MGAM2: variants seen among roughly 807,000 people sequenced by gnomAD.
The protein encoded by MGAM2 is probable maltase-glucoamylase 2.
MGAM2 carries 98 observed loss-of-function variants against 96.1 expected under a neutral mutation model. The observed-to-expected ratio is 1.02, with a 90% confidence interval of 0.87 to 1.21. The LOEUF (loss-of-function observed/expected upper bound fraction) is 1.21. MGAM2 is among the 50% of genes most tolerant of loss of function. The probability of loss-of-function intolerance (pLI) is 0.00; values close to 1 mark genes in which losing one functional copy is unlikely to be tolerated. For synonymous variants in MGAM2, 749 were observed against 414.8 expected (o/e 1.81, Z -9.79); for missense variants, 2,055 against 1,182.4 (o/e 1.74, Z -10.82).
chr7:142,218,587 T>G (rs1322312159), intron 47 of MGAM2, 56 bp downstream of exon 47: 1 of 545,288 alleles, frequency 1.8e-6, no homozygotes. Context: ...TTCTGCAAAA[T>G]TATCACCAAT....
In MGAM2 at chr7:142,221,114, GACC is replaced by G. The variant is rs1422100389; in HGVS notation, c.6606_6608del (p.Thr2203del). The G allele has an allele frequency of 1.4e-6, 1 of 702,172 alleles. No individual in the cohort carries two copies. Among genetic ancestry groups the G allele is most frequent in the Non-Finnish European group, 2.6e-6 (1 of 384,714 alleles). 43.5% of individuals were successfully genotyped at this position (702,172 alleles called of 1,614,324 possible). ...CTACTAGCAACAGTTTTTCCATTAT[GACC>G]ACTTCTTTCTCTGAAAGTACTAATG... On this transcript the variant is annotated inframe_deletion, in exon 48 of 48. Coordinates refer to ENST00000477922, the MANE Select transcript of MGAM2 (RefSeq NM_001293626.2).
chr7:142,219,901 T>A lies in MGAM2; in HGVS notation c.5390T>A (p.Ile1797Asn), dbSNP rs748195050. ...ACTATTCAATTGACTGACAAGACTATCAACCTGGAAAAGTTAACTGAGGTT... is the reference window on the plus strand; with the variant it reads ...ACTATTCAATTGACTGACAAGACTAACAACCTGGAAAAGTTAACTGAGGTT... Reference protein sequence around the residue: ...ILTIQLTDKTINLEKLTEVTW... With the variant: ...ILTIQLTDKTNNLEKLTEVTW... The change falls in exon 48 of 48, where the codon ATC becomes AAC. Residue 1797 changes from isoleucine to asparagine, a missense_variant. Physicochemically the swap from Ile to Asn is moderately radical, Grantham distance 149. Coordinates refer to ENST00000477922, the MANE Select transcript of MGAM2 (RefSeq NM_001293626.2). 1.0e-5 allele frequency: 7 copies of A among 702,094 alleles called. 1 individual carries two copies. The highest frequency in any genetic ancestry group is 2.3e-4 in the Middle Eastern group (1 of 4,382). 43.5% of individuals were successfully genotyped at this position (702,094 alleles called of 1,614,324 possible). A position where few individuals can be genotyped will look rare whatever the true frequency, so the allele number is the denominator to read the frequency against.
chr7:142,118,347 G>C (rs1275691765), intron 2 of MGAM2, among the ~76,000 whole-genome samples: 2 of 152,070 alleles, frequency 1.3e-5, no homozygotes, highest in Non-Finnish European at 2.9e-5. Flanking sequence ...CAGGAATCCA[G>C]TTTTAAGACA....
intron 10 of MGAM2, among the ~76,000 whole-genome samples, 192 bp downstream of exon 10, chr7:142,138,859 G>C (rs1469853261): frequency 6.6e-6 from 1 of 152,190 alleles, no homozygotes; most frequent in Non-Finnish European, 1.5e-5. Flanking sequence ...GCCTGATAGA[G>C]GTGGCTTTGA....
At chr7:142,147,316 AG>A (rs1795416815) in intron 14 of MGAM2, 139 bp from the exon 15 acceptor site, 2 of 555,112 alleles carry the variant, frequency 3.6e-6, no homozygotes, top group Non-Finnish European at 6.4e-6. Context: ...CATTTAGGAT[AG>A]AATTTAAAAT....
intron 38 of MGAM2, 24 bp from the exon 39 acceptor site, chr7:142,196,541 C>T (rs918046672): frequency 5.6e-6 from 4 of 714,006 alleles, no homozygotes; most frequent in Admixed American, 3.9e-5. Context: ...CTTCCTCCAA[C>T]ACAGCTGTGT....
intron 40 of MGAM2, 36 bp downstream of exon 40, chr7:142,196,852 C>A: frequency 1.3e-6 from 1 of 748,932 alleles, no homozygotes; most frequent in Non-Finnish European, 2.5e-6. Flanking sequence ...TGTTGTGTAC[C>A]CTCAAATCAT....
Position 142,199,870 on chromosome 7 carries a change from T to TG in MGAM2, c.5049-10_5049-9insG. 1 of 679,168 alleles carries TG rather than the reference T, an allele frequency of 1.5e-6. No homozygotes were observed. The highest frequency in any genetic ancestry group is 1.6e-5 in the South Asian group (1 of 62,110). The allele number at this position is 679,168 out of a possible 1,614,324, so 42.1% of individuals were successfully genotyped here. On this transcript the variant is annotated splice_polypyrimidine_tract_variant and intron_variant, in intron 44 of 47. Coordinates refer to ENST00000477922, the MANE Select transcript of MGAM2 (RefSeq NM_001293626.2). The stretch of plus-strand genomic sequence containing the variant: ...TAGAGAAAAATAACTCTTTTTTTTT[T>TG]TTTTGGTAGTCGACAAAATTTTATG...
intron 32 of MGAM2, among the ~76,000 whole-genome samples, chr7:142,178,189 G>C (rs1301947622): frequency 6.6e-6 from 1 of 152,120 alleles, no homozygotes; most frequent in Non-Finnish European, 1.5e-5. Context: ...CATGTCCTCT[G>C]CCTACTTTTT....
At chr7:142,169,552 T>C (rs1393710642) in intron 26 of MGAM2, among the ~76,000 whole-genome samples, 1 of 152,198 alleles carries the variant, frequency 6.6e-6, no homozygotes, top group East Asian at 1.9e-4. Context: ...TTTCACTCCT[T>C]TTATTCTTCC....
intron 15 of MGAM2, among the ~76,000 whole-genome samples, chr7:142,151,873 G>A (rs1795590162): frequency 6.6e-6 from 1 of 152,186 alleles, no homozygotes; most frequent in Non-Finnish European, 1.5e-5. Context: ...TTGGGCATGA[G>A]GCAGAGTGGA....
At chr7:142,215,917 T>TTA (rs1797747754) in intron 46 of MGAM2, among the ~76,000 whole-genome samples, 2 of 152,160 alleles carry the variant, frequency 1.3e-5, no homozygotes. Context: ...AAGTATTCAA[T>TTA]TACATATATA....
chr7:142,194,003 A>G (rs116700944), intron 37 of MGAM2, among the ~76,000 whole-genome samples: 8,539 of 151,142 alleles, frequency 0.056, 301 homozygotes, highest in African/African-American at 0.096. Flanking sequence ...CTCTCCCTTA[A>G]ACCTGTCCTC....
intron 33 of MGAM2, among the ~76,000 whole-genome samples, chr7:142,183,575 A>C (rs1030921549): frequency 1.3e-5 from 2 of 152,188 alleles, no homozygotes; most frequent in African/African-American, 4.8e-5. Flanking sequence ...AGCACTGTCT[A>C]TTGCCTGGAA....
At chr7:142,214,059 C>T (rs150884554) in intron 46 of MGAM2, among the ~76,000 whole-genome samples, 1,642 of 152,288 alleles carry the variant, frequency 0.011, 28 homozygotes, top group African/African-American at 0.037. Context: ...ACAAAAACCA[C>T]ATGATTATCT....
intron 45 of MGAM2, among the ~76,000 whole-genome samples, chr7:142,203,488 A>G (rs971520685): frequency 6.6e-6 from 1 of 152,076 alleles, no homozygotes; most frequent in Non-Finnish European, 1.5e-5. Flanking sequence ...ACAGAATTAG[A>G]AAAAAACTAT....
At chr7:142,134,776 T>TA (rs35820144) in intron 7 of MGAM2, among the ~76,000 whole-genome samples, 25,269 of 135,034 alleles carry the variant, frequency 0.19, 2,421 homozygotes, top group East Asian at 0.35. Flanking sequence ...ACTAGTTTCT[T>TA]AAAAAAAAAA....
intron 15 of MGAM2, among the ~76,000 whole-genome samples, chr7:142,152,581 T>A (rs1795612193): frequency 6.6e-6 from 1 of 152,200 alleles, no homozygotes; most frequent in Admixed American, 6.5e-5. Flanking sequence ...GAGGCCTTGG[T>A]GACTGTGATA....
chr7:142,221,254 G>A lies in MGAM2; in HGVS notation c.6743G>A (p.Gly2248Asp), dbSNP rs1797919112. The change falls in exon 48 of 48, where the codon GGT becomes GAT. Residue 2248 changes from glycine (G) to aspartate (D), a missense_variant. Coordinates refer to ENST00000477922, the MANE Select transcript of MGAM2 (RefSeq NM_001293626.2). ...TNFLLATMSAGNITSNSISIT... is the reference protein window; with the variant it reads ...TNFLLATMSADNITSNSISIT... Reference sequence around the variant, plus strand: ...TTTCTTTTAGCTACAATGTCTGCTGGTAATATAACTAGTAATAGTATTTCC... The same window carrying A: ...TTTCTTTTAGCTACAATGTCTGCTGATAATATAACTAGTAATAGTATTTCC... 1 of 697,908 alleles carries A rather than the reference G, an allele frequency of 1.4e-6. No homozygotes were observed. Among genetic ancestry groups the A allele is most frequent in the Admixed American group, 2.0e-5 (1 of 49,596 alleles). 43.2% of individuals were successfully genotyped at this position (697,908 alleles called of 1,614,324 possible). A position where few individuals can be genotyped will look rare whatever the true frequency, so the allele number is the denominator to read the frequency against.
Sources: allele counts gnomAD v4.1 joint callset (sites outside exome capture counted in the v4.1 genomes callset), GRCh38; gene constraint gnomAD v4.1.1; transcripts MANE v1.5; gene names NCBI Gene and HGNC (gene_info 2026-07-23, HGNC 2026-07-21).